Variants in NLGN4X observed in about 807,000 individuals in gnomAD.
The protein encoded by NLGN4X is neuroligin-4, X-linked.
In NLGN4X, 3 loss-of-function variants were observed where a neutral mutation model predicts 40.3. That is an observed-to-expected ratio of 0.07 (90% CI 0.03 to 0.19). The LOEUF is 0.19. Among genes scored for constraint, NLGN4X ranks in the 10% least tolerant of loss-of-function variants. The probability of loss-of-function intolerance (pLI) is 1.00; values close to 1 mark genes in which losing one functional copy is unlikely to be tolerated. For synonymous variants in NLGN4X, 270 were observed against 306.8 expected, an observed-to-expected ratio of 0.88 and a Z score of 1.25; for missense variants, 382 against 708.3, an observed-to-expected ratio of 0.54 and a Z score of 5.23.
intron 1 of NLGN4X, among the ~76,000 whole-genome samples, chrX:6,203,417 T>A (rs1219586423): frequency 1.8e-5 from 2 of 112,457 alleles, no homozygotes; most frequent in Admixed American, 1.9e-4. Flanking sequence ...CCTGGAATCC[T>A]CATCCACATG....
chrX:6,227,521 C>T (rs1454608908), intron 1 of NLGN4X, among the ~76,000 whole-genome samples: 1 of 110,070 alleles, frequency 9.1e-6, no homozygotes, highest in Non-Finnish European at 1.9e-5. Context: ...CCCCGCGCCC[C>T]CCTCAAAGGT....
chrX:6,121,982 G>A (rs2039434703), intron 2 of NLGN4X, among the ~76,000 whole-genome samples: 1 of 112,593 alleles, frequency 8.9e-6, no homozygotes, highest in Admixed American at 9.4e-5. Flanking sequence ...GGAATTTTAT[G>A]GCAATGAAAA....
At chrX:5,897,464 G>A (rs1159775883) in intron 5 of NLGN4X, among the ~76,000 whole-genome samples, 2 of 111,380 alleles carry the variant, frequency 1.8e-5, no homozygotes, top group Non-Finnish European at 3.8e-5. Flanking sequence ...CACTGCAGCT[G>A]ATTTCCAAAA....
chrX:5,988,506 G>T (rs1393278076), intron 3 of NLGN4X, among the ~76,000 whole-genome samples: 1 of 112,030 alleles, frequency 8.9e-6, no homozygotes, highest in African/African-American at 3.3e-5. Context: ...AGATTACCTA[G>T]AATTTAACAT....
intron 2 of NLGN4X, among the ~76,000 whole-genome samples, chrX:6,061,491 T>C (rs759433965): frequency 1.1e-4 from 12 of 112,166 alleles, no homozygotes; most frequent in African/African-American, 2.3e-4. Flanking sequence ...TTTATTGATA[T>C]TGATTCCAAT....
At position 5,893,488 on chromosome X, in the gene NLGN4X, C is replaced by T. The variant is rs373602022; in HGVS notation, c.1780G>A (p.Val594Ile). ...ATKVAFWLELVPHLHNLNEIF... is the reference protein window; with the variant it reads ...ATKVAFWLELIPHLHNLNEIF... ...TCGTTCAAGTTGTGCAAATGAGGAA[C>T]GAGTTCCAACCAGAAAGCCACTTTC... Residue 594 changes from valine to isoleucine, a missense_variant, in exon 6 of 6, where the codon GTT becomes ATT. Around this residue, in one of 5 missense-constraint regions of NLGN4X, gnomAD observed 149 missense variants for 375.8 expected, o/e 0.40. Coordinates refer to ENST00000381095, the MANE Select transcript of NLGN4X (RefSeq NM_181332.3). 5.5e-5 allele frequency: 65 copies of T among 1,187,074 alleles called. 1 individual carries two copies. The highest frequency in any genetic ancestry group is 7.3e-5 in the Non-Finnish European group (64 of 875,477).
intron 3 of NLGN4X, among the ~76,000 whole-genome samples, chrX:6,024,432 C>T (rs1241222297): frequency 9.0e-6 from 1 of 110,909 alleles, no homozygotes; most frequent in Admixed American, 9.6e-5. Context: ...ACCAGAGCAC[C>T]TCCATCTTGA....
chrX:6,161,816 G>C (rs973836765), intron 1 of NLGN4X, among the ~76,000 whole-genome samples: 2 of 110,464 alleles, frequency 1.8e-5, no homozygotes, highest in Middle Eastern at 4.4e-3. Context: ...CAAATAATTA[G>C]TTTGGATATA....
chrX:6,165,117 C>T (rs747835194), intron 1 of NLGN4X, among the ~76,000 whole-genome samples: 3 of 111,668 alleles, frequency 2.7e-5, no homozygotes, highest in Admixed American at 9.6e-5. Context: ...TTTGTGAAAA[C>T]AGGCTCTATC....
At chrX:5,998,221 C>A (rs1310266853) in intron 3 of NLGN4X, among the ~76,000 whole-genome samples, 1 of 109,784 alleles carries the variant, frequency 9.1e-6, no homozygotes, top group Non-Finnish European at 1.9e-5. Context: ...ACCAGCCAGG[C>A]CAACATGGTG....
chrX:5,996,969 A>G (rs1974420706), intron 3 of NLGN4X, among the ~76,000 whole-genome samples: 1 of 111,621 alleles, frequency 9.0e-6, no homozygotes, highest in Non-Finnish European at 1.9e-5. Context: ...TAGATAATCA[A>G]TAATACCCTC....
chrX:6,005,205 G>A, intron 3 of NLGN4X, among the ~76,000 whole-genome samples: 1 of 112,294 alleles, frequency 8.9e-6, no homozygotes, highest in Admixed American at 9.4e-5. Context: ...TCCCAATGCA[G>A]ATCCCGGGGA....
At chrX:6,059,740 A>C (rs2037723999) in intron 2 of NLGN4X, among the ~76,000 whole-genome samples, 1 of 111,742 alleles carries the variant, frequency 8.9e-6, no homozygotes, top group South Asian at 3.7e-4. Flanking sequence ...AAATGAGGAC[A>C]ACTTATGCCA....
At chrX:6,228,442 G>C (rs763039730) in intron 1 of NLGN4X, 99 bp downstream of exon 1, 4 of 112,188 alleles carry the variant, frequency 3.6e-5, no homozygotes, top group East Asian at 5.5e-4. Flanking sequence ...TCAAGTATCT[G>C]CAGTGAGGCT....
intron 3 of NLGN4X, among the ~76,000 whole-genome samples, chrX:5,920,890 C>T (rs2033003624): frequency 2.7e-5 from 3 of 110,403 alleles, no homozygotes; most frequent in Admixed American, 1.9e-4. Context: ...TTGAACAAAA[C>T]GATGAATGTG....
chrX:6,130,168 A>G lies in NLGN4X; in HGVS notation c.472+20827T>C, dbSNP rs2039650384. 2.7e-5 allele frequency among the ~76,000 whole-genome samples: 3 copies of G among 112,150 alleles called. No homozygotes were observed. The South Asian group carries it at 1.1e-3, about 42-fold the overall frequency. On this transcript the variant is annotated intron_variant, in intron 2 of 5. Transcript: ENST00000381095. ...CTCTCAAAACACTGGGATTACAGGCATCAGCCACGAGGCTTGGCCCCAAAT... is the reference window on the plus strand; with the variant it reads ...CTCTCAAAACACTGGGATTACAGGCGTCAGCCACGAGGCTTGGCCCCAAAT...
intron 1 of NLGN4X, among the ~76,000 whole-genome samples, chrX:6,221,667 A>C (rs903933075): frequency 9.1e-6 from 1 of 109,773 alleles, no homozygotes; most frequent in Non-Finnish European, 1.9e-5. Context: ...TTCCCCACCT[A>C]ACCCATTCAC....
chrX:6,020,054 T>C (rs2036492707), intron 3 of NLGN4X, among the ~76,000 whole-genome samples: 1 of 111,814 alleles, frequency 8.9e-6, no homozygotes, highest in Non-Finnish European at 1.9e-5. Flanking sequence ...TATAAATAGA[T>C]CAAGGAGAGT....
chrX:5,919,295 T>C (rs142963672), intron 3 of NLGN4X, among the ~76,000 whole-genome samples: 1 of 111,893 alleles, frequency 8.9e-6, no homozygotes, highest in East Asian at 2.8e-4. Flanking sequence ...CTTCAGCTCT[T>C]CTATTGTTCC....
Sources: gnomAD v4.1 joint callset for allele counts (sites outside exome capture counted in the v4.1 genomes callset) on GRCh38, gnomAD v4.1.1 for gene constraint, gnomAD v4.1.1 regional missense constraint, MANE v1.5 for transcripts, NCBI Gene and HGNC (gene_info 2026-07-23, HGNC 2026-07-21) for gene names.